BPIFA3: variants seen among roughly 807,000 people sequenced by gnomAD.
The protein encoded by BPIFA3 is BPI fold containing family A member 3, also known as BPI fold-containing family A member 3.
A neutral mutation model predicts 29.7 loss-of-function variants in BPIFA3; 32 were observed. The observed-to-expected ratio is 1.08, with a 90% CI of 0.81 to 1.45. The LOEUF is 1.45. BPIFA3 is among the 40% of genes most tolerant of loss of function. The pLI is 0.00. For synonymous variants in BPIFA3, 112 were observed against 113.7 expected (o/e 0.98, Z 0.10); for missense variants, 323 against 311.3 (o/e 1.04, Z -0.28).
At chr20:33,222,843 T>C (rs1221729012) in intron 1 of BPIFA3, among the ~76,000 whole-genome samples, 2 of 152,196 alleles carry the variant, frequency 1.3e-5, no homozygotes, top group Non-Finnish European at 2.9e-5. Flanking sequence ...TTGAAACTAT[T>C]TGTTTAATAT....
chr20:33,220,181 A>G (rs1032775391), intron 1 of BPIFA3, among the ~76,000 whole-genome samples: 1 of 151,774 alleles, frequency 6.6e-6, no homozygotes, highest in East Asian at 1.9e-4. Context: ...GGCGAATCAC[A>G]AGGTCAGGAG....
At chr20:33,224,230 G>T in intron 2 of BPIFA3, 125 bp from the exon 3 acceptor site, 1 of 876,676 alleles carries the variant, frequency 1.1e-6, no homozygotes, top group Non-Finnish European at 1.7e-6. Context: ...ATCTGTAAAA[G>T]AATCACAGTC....
At chr20:33,217,728 G>C in intron 1 of BPIFA3, 65 bp downstream of exon 1, 1 of 1,551,108 alleles carries the variant, frequency 6.4e-7, no homozygotes, top group South Asian at 1.2e-5. Context: ...GTGCCATCTG[G>C]GCTCCACTGC....
intron 1 of BPIFA3, chr20:33,223,602 C>T: frequency 3.7e-6 from 2 of 533,614 alleles, no homozygotes; most frequent in South Asian, 3.1e-5. Context: ...GCCACACCCT[C>T]TGCAGGTGTT....
intron 1 of BPIFA3, among the ~76,000 whole-genome samples, chr20:33,220,627 C>T (rs1985467780): frequency 6.6e-6 from 1 of 152,164 alleles, no homozygotes. Context: ...GTAAATGCTA[C>T]CTAATCTTCT....
chr20:33,219,837 G>T (rs2146482354), intron 1 of BPIFA3, among the ~76,000 whole-genome samples: 1 of 152,288 alleles, frequency 6.6e-6, no homozygotes, highest in East Asian at 1.9e-4. Flanking sequence ...GCCGAGCACG[G>T]TGGCTCCCTA....
chr20:33,226,015 G>A (rs974279471), intron 4 of BPIFA3: 1 of 195,220 alleles, frequency 5.1e-6, no homozygotes, highest in African/African-American at 2.4e-5. Flanking sequence ...CTGACTGTAA[G>A]TCCCTTGAAG....
In BPIFA3 at chr20:33,227,760, A is replaced by T. The variant is rs901459180; in HGVS notation, c.*143A>T. ...AATAAACTCTAGCTCTGAAGGGTGCACAGGTCCCTCCCACCTGGGCCCTGG... is the reference window on the plus strand; with the variant it reads ...AATAAACTCTAGCTCTGAAGGGTGCTCAGGTCCCTCCCACCTGGGCCCTGG... On this transcript the variant is annotated 3_prime_UTR_variant, in exon 7 of 7. Transcript: ENST00000375454. 4.8e-5 allele frequency: 32 copies of T among 666,546 alleles called. No homozygotes were observed. In the Admixed American group the frequency reaches 8.3e-4, roughly 17 times the overall value. The allele number at this position is 666,546 out of a possible 1,614,324, so 41.3% of individuals were successfully genotyped here.
At chr20:33,220,882 T>C (rs1985479467) in intron 1 of BPIFA3, among the ~76,000 whole-genome samples, 1 of 152,190 alleles carries the variant, frequency 6.6e-6, no homozygotes, top group Non-Finnish European at 1.5e-5. Flanking sequence ...GGAATGGAAA[T>C]TAATCCAGAA....
At chr20:33,220,823 A>G (rs991824025) in intron 1 of BPIFA3, among the ~76,000 whole-genome samples, 7 of 152,176 alleles carry the variant, frequency 4.6e-5, no homozygotes, top group Admixed American at 3.9e-4. Context: ...TAAGCCTGAC[A>G]CTTCCTGTGC....
chr20:33,224,770 C>A (rs150643795), intron 3 of BPIFA3, among the ~76,000 whole-genome samples: 29 of 152,348 alleles, frequency 1.9e-4, no homozygotes, highest in Non-Finnish European at 3.4e-4. Flanking sequence ...TGCTCACCAT[C>A]CTCCTGTTCA....
At chr20:33,222,594 G>A (rs112507058) in intron 1 of BPIFA3, among the ~76,000 whole-genome samples, 4 of 133,782 alleles carry the variant, frequency 3.0e-5, no homozygotes, top group Admixed American at 2.0e-4. Context: ...ATGGATGGAT[G>A]GATGGATGGA....
intron 4 of BPIFA3, chr20:33,225,987 C>T (rs908110496): frequency 5.3e-6 from 1 of 186,984 alleles, no homozygotes; most frequent in Non-Finnish European, 1.1e-5. Context: ...ACTGGCTGAC[C>T]AAGTCTTTCA....
Sources: gnomAD v4.1 joint callset for allele counts (sites outside exome capture counted in the v4.1 genomes callset) on GRCh38, gnomAD v4.1.1 for gene constraint, MANE v1.5 for transcripts, NCBI Gene and HGNC (gene_info 2026-07-23, HGNC 2026-07-21) for gene names.